Variants in PFKP observed in about 807,000 individuals in gnomAD.
PFKP encodes the protein ATP-dependent 6-phosphofructokinase, platelet type.
In PFKP, 101 loss-of-function variants were observed where a neutral mutation model predicts 94.3. The observed-to-expected ratio is 1.07, with a 90% CI of 0.91 to 1.26. The LOEUF is 1.26. PFKP is among the 50% of genes most tolerant of loss of function. PFKP has a pLI of 0.00. For synonymous variants in PFKP, 573 were observed against 432.6 expected, an observed-to-expected ratio of 1.32 and a Z score of -4.03; for missense variants, 1,145 against 1,103.3, an observed-to-expected ratio of 1.04 and a Z score of -0.53.
intron 17 of PFKP, 49 bp from the exon 18 acceptor site, chr10:3,132,331 G>A (rs1372922863): frequency 1.5e-6 from 2 of 1,337,482 alleles, no homozygotes; most frequent in African/African-American, 1.4e-5. Flanking sequence ...GCACACAGTA[G>A]GTACTTAGTA....
intron 17 of PFKP, among the ~76,000 whole-genome samples, chr10:3,130,262 A>G (rs891034084): frequency 7.2e-5 from 11 of 152,304 alleles, no homozygotes; most frequent in African/African-American, 2.2e-4. Context: ...TGTCTCACTT[A>G]TGTCACCAAT....
chr10:3,133,953 C>T (rs988531130), intron 19 of PFKP, among the ~76,000 whole-genome samples: 9 of 152,210 alleles, frequency 5.9e-5, no homozygotes, highest in Admixed American at 4.6e-4. Flanking sequence ...GTATACTTGA[C>T]ACCCCAAGTC....
chr10:3,092,888 C>G (rs1054509988), intron 2 of PFKP, among the ~76,000 whole-genome samples: 3 of 152,090 alleles, frequency 2.0e-5, no homozygotes, highest in Non-Finnish European at 4.4e-5. Context: ...TGGGGGACCT[C>G]TCCTAATCTG....
intron 2 of PFKP, among the ~76,000 whole-genome samples, chr10:3,089,898 C>T (rs188128306): frequency 2.6e-5 from 4 of 152,142 alleles, no homozygotes; most frequent in African/African-American, 9.6e-5. Flanking sequence ...CCTCTGGTAA[C>T]CATCATTCTG....
chr10:3,110,365 A>ATTT (rs57980780), intron 10 of PFKP, among the ~76,000 whole-genome samples: 5,751 of 92,272 alleles, frequency 0.062, 250 homozygotes, highest in Non-Finnish European at 0.074. Flanking sequence ...CGCCTGGCTA[A>ATTT]TTTTTTTTTT....
At chr10:3,083,664 A>G (rs1406667677) in intron 2 of PFKP, among the ~76,000 whole-genome samples, 1 of 151,840 alleles carries the variant, frequency 6.6e-6, no homozygotes, top group Non-Finnish European at 1.5e-5. Context: ...TTTTTTTGAG[A>G]AAAATCTCAC....
chr10:3,094,729 A>G lies in PFKP; in HGVS notation c.187-4546A>G, dbSNP rs144455309. On this transcript the variant is annotated intron_variant, in intron 2 of 21. Transcript: ENST00000381125. ...CTAGTTTGGAACGCTGGTGTTTCCCAAGTCTAAGCCTAGAGAGCCGTTCAG... is the reference window on the plus strand; with the variant it reads ...CTAGTTTGGAACGCTGGTGTTTCCCGAGTCTAAGCCTAGAGAGCCGTTCAG... Among the ~76,000 whole-genome samples, 234 of 152,310 alleles carry G rather than the reference A, an allele frequency of 1.5e-3. 2 individuals carry two copies. The highest frequency in any genetic ancestry group is 4.9e-3 in the African/African-American group (202 of 41,544).
At chr10:3,111,417 G>A (rs973500022) in intron 10 of PFKP, among the ~76,000 whole-genome samples, 6 of 152,148 alleles carry the variant, frequency 3.9e-5, no homozygotes, top group Non-Finnish European at 7.3e-5. Context: ...AGCACTGAAC[G>A]ACATGCGGTA....
chr10:3,128,844 C>T (rs1838245039), intron 16 of PFKP, among the ~76,000 whole-genome samples: 1 of 152,212 alleles, frequency 6.6e-6, no homozygotes, highest in Admixed American at 6.5e-5. Flanking sequence ...CCGCCCACCA[C>T]TGTGCCGGAA....
At chr10:3,111,028 G>T (rs766579563) in intron 10 of PFKP, among the ~76,000 whole-genome samples, 18 of 147,286 alleles carry the variant, frequency 1.2e-4, no homozygotes, top group Non-Finnish European at 2.4e-4. Flanking sequence ...GCATGTTAGT[G>T]TGTGCATGTA....
At chr10:3,067,737 GGGAC>G (rs1460517487) in intron 1 of PFKP, 30 bp downstream of exon 1, 15 of 1,250,964 alleles carry the variant, frequency 1.2e-5, no homozygotes, top group African/African-American at 1.5e-5. Flanking sequence ...CGGCGAGGGA[GGGAC>G]GGACGGACGG....
chr10:3,098,434 G>A (rs990751797), intron 2 of PFKP, among the ~76,000 whole-genome samples: 1 of 151,900 alleles, frequency 6.6e-6, no homozygotes, highest in Non-Finnish European at 1.5e-5. Context: ...CCAGCACTTT[G>A]GGAGGCTGAG....
intron 1 of PFKP, among the ~76,000 whole-genome samples, chr10:3,072,427 G>A (rs896991752): frequency 2.0e-5 from 3 of 152,312 alleles, no homozygotes; most frequent in East Asian, 3.9e-4. Flanking sequence ...TGCCTCCCAC[G>A]GCTCTGGGCC....
At chr10:3,071,603 C>T (rs1333810539) in intron 1 of PFKP, among the ~76,000 whole-genome samples, 1 of 152,122 alleles carries the variant, frequency 6.6e-6, no homozygotes, top group African/African-American at 2.4e-5. Context: ...CACTGTGCCA[C>T]ACACCAAGAG....
intron 2 of PFKP, 84 bp from the exon 3 acceptor site, chr10:3,099,191 T>C: frequency 9.1e-7 from 1 of 1,098,632 alleles, no homozygotes; most frequent in Non-Finnish European, 1.4e-6. Flanking sequence ...CACTGTCATT[T>C]TTCCCGTTTT....
chr10:3,093,672 C>A (rs987775626), intron 2 of PFKP, among the ~76,000 whole-genome samples: 6 of 108,450 alleles, frequency 5.5e-5, no homozygotes, highest in Admixed American at 3.6e-4. Flanking sequence ...GAGACAGAGT[C>A]TTGCTCTGTC....
chr10:3,105,247 T>C, intron 6 of PFKP, 88 bp downstream of exon 6: 2 of 1,402,538 alleles, frequency 1.4e-6, no homozygotes, highest in East Asian at 2.3e-5. Context: ...ACATCCTGAA[T>C]GCTCCCGTGG....
At chr10:3,074,844 C>A (rs1037663890) in intron 1 of PFKP, among the ~76,000 whole-genome samples, 1 of 152,142 alleles carries the variant, frequency 6.6e-6, no homozygotes, top group Non-Finnish European at 1.5e-5. Context: ...GTCGGGGAGA[C>A]CGTAACCCAG....
intron 2 of PFKP, among the ~76,000 whole-genome samples, chr10:3,090,760 TG>T (rs995850437): frequency 2.0e-5 from 3 of 152,046 alleles, no homozygotes; most frequent in African/African-American, 4.8e-5. Context: ...GAACGTCCTA[TG>T]GGGGGAAAAT....
Sources: gnomAD v4.1 joint callset for allele counts (sites outside exome capture counted in the v4.1 genomes callset) on GRCh38, gnomAD v4.1.1 for gene constraint, MANE v1.5 for transcripts, NCBI Gene and HGNC (gene_info 2026-07-23, HGNC 2026-07-21) for gene names.